Variants in ADCK1 observed in about 807,000 individuals in gnomAD.
ADCK1 encodes the protein aarF domain-containing protein kinase 1.
ADCK1 carries 41 observed loss-of-function variants against 52.3 expected under a neutral mutation model. That is an observed-to-expected ratio of 0.78 (90% CI 0.61 to 1.02). ADCK1 has a LOEUF of 1.02. ADCK1 is among the 50% of genes least tolerant of loss of function. The probability of loss-of-function intolerance (pLI) is 0.00; values close to 1 mark genes in which losing one functional copy is unlikely to be tolerated. For missense variants in ADCK1, 658 were observed against 679.5 expected (o/e 0.97, Z 0.35); for synonymous variants, 250 against 274.6 (o/e 0.91, Z 0.89).
Position 77,925,842 on chromosome 14 carries a change from G to C in ADCK1, c.1087G>C (p.Glu363Gln), listed in dbSNP as rs2084178898. ...CTGGACTGACATGAAGAGAGTGAAG[G>C]AGTACAGCCAGCGACTGGGAGCCGG... is the stretch of plus-strand genomic sequence containing the variant. ...LIWTDMKRVKEYSQRLGAGDL... is the reference protein window; with the variant it reads ...LIWTDMKRVKQYSQRLGAGDL... The change falls in exon 9 of 11, where the codon GAG becomes CAG. Residue 363 changes from glutamate (E) to glutamine (Q), a missense_variant. By Grantham distance (29) the Glu-to-Gln change is conservative (BLOSUM62 2). Transcript: ENST00000238561. 6.2e-7 allele frequency: 1 copy of C among 1,614,216 alleles called. No homozygotes were observed. The highest frequency in any genetic ancestry group is 8.5e-7 in the Non-Finnish European group (1 of 1,180,036).
At chr14:77,837,784 G>C (rs1160672676) in intron 3 of ADCK1, among the ~76,000 whole-genome samples, 1 of 152,162 alleles carries the variant, frequency 6.6e-6, no homozygotes, top group African/African-American at 2.4e-5. Flanking sequence ...TCAGCCCTCT[G>C]CAATTTTTCC....
At chr14:77,818,774 A>G (rs937127080) in intron 1 of ADCK1, among the ~76,000 whole-genome samples, 194 bp from the exon 2 acceptor site, 1 of 152,194 alleles carries the variant, frequency 6.6e-6, no homozygotes. Context: ...GATTTTATGT[A>G]CATTATTTCA....
chr14:77,825,483 G>A (rs1263390245), intron 3 of ADCK1, among the ~76,000 whole-genome samples: 2 of 152,060 alleles, frequency 1.3e-5, no homozygotes, highest in African/African-American at 4.8e-5. Flanking sequence ...ATAGAAAGCA[G>A]GTATCAAAAA....
chr14:77,934,224 ATCCT>A lies in ADCK1; in HGVS notation c.*837_*840del, dbSNP rs1189879020. The A allele has an allele frequency of 6.6e-6, 1 of 150,524 alleles. No homozygotes were observed. Among genetic ancestry groups the A allele is most frequent in the African/African-American group, 2.5e-5 (1 of 40,760 alleles). The allele number at this position is 150,524 out of a possible 1,614,324, so 9.3% of individuals were successfully genotyped here. ...TTCTGCTTGGCTTCTTGCTCCTGTA[ATCCT>A]TCCAACCTGTGGGGCCACTTCCACT... On this transcript the variant is annotated 3_prime_UTR_variant, in exon 11 of 11. Coordinates refer to ENST00000238561, the MANE Select transcript of ADCK1 (RefSeq NM_020421.4).
chr14:77,815,815 C>CT (rs35299824), intron 1 of ADCK1, among the ~76,000 whole-genome samples: 7,497 of 121,762 alleles, frequency 0.062, 333 homozygotes, highest in Non-Finnish European at 0.071. Flanking sequence ...CCGCACCTGG[C>CT]TTTTTTTTTT....
chr14:77,821,251 G>A (rs2081575685), intron 2 of ADCK1: 1 of 92,574 alleles, frequency 1.1e-5, no homozygotes, highest in South Asian at 4.2e-4. Flanking sequence ...GAAAGGAGGA[G>A]GAAGATACGC....
At chr14:77,857,727 T>C (rs889037642) in intron 3 of ADCK1, among the ~76,000 whole-genome samples, 2 of 152,248 alleles carry the variant, frequency 1.3e-5, no homozygotes, top group Non-Finnish European at 2.9e-5. Context: ...TGTCAACTGT[T>C]ATTTAACTCC....
At chr14:77,809,224 A>G (rs1266673673) in intron 1 of ADCK1, among the ~76,000 whole-genome samples, 1 of 152,202 alleles carries the variant, frequency 6.6e-6, no homozygotes, top group Non-Finnish European at 1.5e-5. Context: ...TGAGTGGCAG[A>G]GTAAAGATTA....
chr14:77,882,510 T>C (rs1192483693), intron 4 of ADCK1, among the ~76,000 whole-genome samples: 1 of 152,192 alleles, frequency 6.6e-6, no homozygotes, highest in East Asian at 1.9e-4. Flanking sequence ...TGACCGAGTA[T>C]GGGAACAGCA....
At chr14:77,901,873 C>A in intron 6 of ADCK1, among the ~76,000 whole-genome samples, 1 of 152,188 alleles carries the variant, frequency 6.6e-6, no homozygotes, top group East Asian at 1.9e-4. Context: ...TGGTTGTCTA[C>A]ACTGAGCTTA....
chr14:77,906,144 T>C (rs148956217), intron 6 of ADCK1, among the ~76,000 whole-genome samples: 49 of 152,306 alleles, frequency 3.2e-4, no homozygotes, highest in African/African-American at 1.1e-3. Flanking sequence ...AAGTGGCTAG[T>C]CTAAGACACA....
chr14:77,890,236 G>A (rs139556000), intron 5 of ADCK1, among the ~76,000 whole-genome samples: 1 of 152,304 alleles, frequency 6.6e-6, no homozygotes, highest in East Asian at 1.9e-4. Context: ...TTGACTGGGG[G>A]CTGGAGTGGC....
intron 1 of ADCK1, among the ~76,000 whole-genome samples, chr14:77,806,684 C>T (rs1266038224): frequency 1.3e-5 from 2 of 152,266 alleles, no homozygotes; most frequent in Middle Eastern, 3.4e-3. Context: ...CCCTGTGGCT[C>T]ATCTGACCTG....
chr14:77,809,486 C>T (rs772650633), intron 1 of ADCK1, among the ~76,000 whole-genome samples: 26 of 151,850 alleles, frequency 1.7e-4, no homozygotes, highest in South Asian at 4.1e-4. Flanking sequence ...TCCACCACCA[C>T]GCCTGGCTAA....
intron 3 of ADCK1, among the ~76,000 whole-genome samples, chr14:77,847,952 T>C (rs1949817385): frequency 6.6e-6 from 1 of 152,198 alleles, no homozygotes; most frequent in African/African-American, 2.4e-5. Context: ...ACCCTGAGAC[T>C]TAGCTGGGGC....
intron 6 of ADCK1, among the ~76,000 whole-genome samples, chr14:77,905,109 A>G (rs1025230746): frequency 3.9e-5 from 6 of 151,970 alleles, no homozygotes; most frequent in African/African-American, 1.5e-4. Context: ...ACTGTTTCCC[A>G]GGTTTGATAT....
At chr14:77,814,695 C>CAAAAAAAAAAAAAAAAA (rs995163952) in intron 1 of ADCK1, among the ~76,000 whole-genome samples, 3 of 35,928 alleles carry the variant, frequency 8.4e-5, no homozygotes, top group Non-Finnish European at 1.1e-4. Context: ...AAGACACTCT[C>CAAAAAAAAAAAAAAAAA]AAAAAAAAAA....
At chr14:77,910,510 A>G (rs1227119327) in intron 7 of ADCK1, among the ~76,000 whole-genome samples, 4 of 152,114 alleles carry the variant, frequency 2.6e-5, no homozygotes, top group Non-Finnish European at 5.9e-5. Flanking sequence ...TTAAAGGGAA[A>G]CAGGGTCTGT....
intron 3 of ADCK1, among the ~76,000 whole-genome samples, chr14:77,852,903 A>ATATATATATATATATATATATC (rs2082336749): frequency 3.4e-5 from 1 of 29,440 alleles, no homozygotes; most frequent in Non-Finnish European, 6.2e-5. Context: ...ATATATATAT[A>ATATATATATATATATATATATC]TATATTTTTT....
Sources: allele counts gnomAD v4.1 joint callset (sites outside exome capture counted in the v4.1 genomes callset), GRCh38; gene constraint gnomAD v4.1.1; transcripts MANE v1.5; gene names NCBI Gene and HGNC (gene_info 2026-07-23, HGNC 2026-07-21).